AHDC1: variants seen among roughly 807,000 people sequenced by gnomAD.
The protein encoded by AHDC1 is transcription factor Gibbin.
AHDC1 carries 7 observed loss-of-function variants against 87.9 expected under a neutral mutation model. The ratio of observed to expected loss-of-function variants is 0.08; its 90% CI spans 0.05 to 0.15. The LOEUF is 0.15. Ranked by LOEUF, AHDC1 falls within the 10% of genes least tolerant of loss-of-function variation. The pLI is 1.00. For synonymous variants in AHDC1, 1,051 were observed against 1,006.8 expected (o/e 1.04, Z -0.83); for missense variants, 1,841 against 2,253.2 (o/e 0.82, Z 3.70).
intron 3 of AHDC1, among the ~76,000 whole-genome samples, chr1:27,585,253 CAAAAAAAA>C (rs35143338): frequency 1.4e-4 from 9 of 66,330 alleles, no homozygotes; most frequent in Non-Finnish European, 2.1e-4. Context: ...GACCCTGTCT[CAAAAAAAA>C]AAAAAAAAAA....
rs2148265344 is a variant in AHDC1, at chr1:27,548,354, A to G, written c.3762T>C (p.Ser1254=). Residue 1254 remains serine (S), a synonymous_variant, in exon 8 of 9, where the codon TCT becomes TCC. Coordinates refer to ENST00000673934, the MANE Select transcript of AHDC1 (RefSeq NM_001371928.1). The part of the protein sequence containing the change: ...ASHLGFPTSA[S]AAASGYPSKR... ...TGGATGGGTAGCCTGAGGCAGCGGCAGAGGCGGATGTCGGGAAGCCCAGAT... is the reference window on the plus strand; with the variant it reads ...TGGATGGGTAGCCTGAGGCAGCGGCGGAGGCGGATGTCGGGAAGCCCAGAT... 1 of 1,606,576 alleles carries G rather than the reference A, an allele frequency of 6.2e-7. No homozygotes were observed. The highest frequency in any genetic ancestry group is 1.7e-4 in the Middle Eastern group (1 of 6,052).
chr1:27,555,184 A>G (rs1238577014), intron 5 of AHDC1, among the ~76,000 whole-genome samples: 1 of 152,200 alleles, frequency 6.6e-6, no homozygotes, highest in African/African-American at 2.4e-5. Context: ...AACATTCCAG[A>G]TACCCAGGCC....
chr1:27,558,729 T>C lies in AHDC1; in HGVS notation c.-474A>G. ...ACCTGAGCAGGCTGCGAAGATAGGC[T>C]GGGCTCAGCAGGAAAGGCCTGTCTT... On this transcript the variant is annotated 5_prime_UTR_variant, in exon 4 of 9. Transcript: ENST00000673934. This position sits in a 1 kb window ranked among gnomAD's most constrained non-coding sequence, Gnocchi z 5.6. 2.5e-6 allele frequency: 1 copy of C among 398,632 alleles called. No individual in the cohort carries two copies. Among genetic ancestry groups the C allele is most frequent in the East Asian group, 3.6e-5 (1 of 28,068 alleles). 24.7% of individuals were successfully genotyped at this position (398,632 alleles called of 1,614,324 possible). A position where few individuals can be genotyped will look rare whatever the true frequency, so the allele number is the denominator to read the frequency against.
rs890464740 is a variant in AHDC1, at chr1:27,561,813, CAG to C, written c.-628-2932_-628-2931del. ...ACAGAGACAGAGAGACAGAGAAAGA[CAG>C]AAACTGGAAGACGGGCACGCACAAA... On this transcript the variant is annotated intron_variant, in intron 3 of 8. Coordinates refer to ENST00000673934, the MANE Select transcript of AHDC1 (RefSeq NM_001371928.1). This position sits in a 1 kb window ranked among gnomAD's most constrained non-coding sequence, Gnocchi z 4.2. Among the ~76,000 whole-genome samples, 8 of 151,864 alleles carry C rather than the reference CAG, an allele frequency of 5.3e-5. No homozygotes were observed. The highest frequency in any genetic ancestry group is 1.9e-4 in the African/African-American group (8 of 41,314).
rs924369042 is a variant in AHDC1 at position 27,565,045 on chromosome 1, T to C, written c.-628-6162A>G. Among the ~76,000 whole-genome samples, 5 of 152,090 alleles carry C rather than the reference T, an allele frequency of 3.3e-5. No homozygotes were observed. Among genetic ancestry groups the C allele is most frequent in the Admixed American group, 2.6e-4 (4 of 15,280 alleles). On this transcript the variant is annotated intron_variant, in intron 3 of 8. Coordinates refer to ENST00000673934, the MANE Select transcript of AHDC1 (RefSeq NM_001371928.1). This position sits in a 1 kb window ranked among gnomAD's most constrained non-coding sequence, Gnocchi z 4.6. ...GGGGGTGGCTGGAGCTGGGGGGCCC[T>C]GGGGGACTGAGTAAAGCGTGGCGAC...
chr1:27,563,247 G>A lies in AHDC1; in HGVS notation c.-628-4364C>T, dbSNP rs975286151. On this transcript the variant is annotated intron_variant, in intron 3 of 8. Coordinates refer to ENST00000673934, the MANE Select transcript of AHDC1 (RefSeq NM_001371928.1). This position sits in a 1 kb window ranked among gnomAD's most constrained non-coding sequence, Gnocchi z 6.1. ...CTGACCAAGACACACACACACGCACGCATGCATGCACACACCCACACAAAG... is the reference window on the plus strand; with the variant it reads ...CTGACCAAGACACACACACACGCACACATGCATGCACACACCCACACAAAG... 7.3e-5 allele frequency among the ~76,000 whole-genome samples: 10 copies of A among 137,902 alleles called. No individual in the cohort carries two copies. Among genetic ancestry groups the A allele is most frequent in the African/African-American group, 1.7e-4 (6 of 35,768 alleles). 90.5% of individuals were successfully genotyped at this position (137,902 alleles called of 152,430 possible). A position where few individuals can be genotyped will look rare whatever the true frequency, so the allele number is the denominator to read the frequency against.
Position 27,600,192 on chromosome 1 carries a change from T to TG in AHDC1, c.-629+3204dup, listed in dbSNP as rs1272771415. On this transcript the variant is annotated intron_variant, in intron 3 of 8. Transcript: ENST00000673934. ...TGGGTCGCTCCCCCGCCCCCCTCCC[T>TG]GGGGGGGGCCCATCTGCAGGCATTA... is the stretch of plus-strand genomic sequence containing the variant. 2.1e-3 allele frequency among the ~76,000 whole-genome samples: 316 copies of TG among 151,420 alleles called. 2 individuals carry two copies. The highest frequency in any genetic ancestry group is 3.0e-3 in the Admixed American group (45 of 15,242).
rs2089437769 is a variant in AHDC1 at position 27,598,485 on chromosome 1, A to T, written c.-629+4912T>A. On this transcript the variant is annotated intron_variant, in intron 3 of 8. Coordinates refer to ENST00000673934, the MANE Select transcript of AHDC1 (RefSeq NM_001371928.1). The surrounding 1 kb of genome is among the most constrained non-coding windows in gnomAD (Gnocchi z 4.2). ...GCCAGGAGAGGCCAGGCCTTGGGCG[A>T]AGGAGGGGCTGGGAGCCAGGGCTTC... 6.6e-6 allele frequency among the ~76,000 whole-genome samples: 1 copy of T among 152,104 alleles called. No individual in the cohort carries two copies. Among genetic ancestry groups the T allele is most frequent in the Non-Finnish European group, 1.5e-5 (1 of 67,988 alleles).
chr1:27,603,117 C>A (rs1571363462), intron 3 of AHDC1, among the ~76,000 whole-genome samples: 2 of 151,506 alleles, frequency 1.3e-5, no homozygotes, highest in African/African-American at 2.4e-5. Flanking sequence ...GCCGGGGGAG[C>A]CGCGGGGCGG....
At chr1:27,569,395 A>G (rs1198961796) in intron 3 of AHDC1, among the ~76,000 whole-genome samples, 1 of 152,164 alleles carries the variant, frequency 6.6e-6, no homozygotes, top group East Asian at 1.9e-4. Context: ...AGCCTGCCTA[A>G]GACAGGCAAG....
intron 8 of AHDC1, among the ~76,000 whole-genome samples, chr1:27,537,380 T>G (rs2018690288): frequency 6.6e-6 from 1 of 152,198 alleles, no homozygotes; most frequent in South Asian, 2.1e-4. Context: ...AGACAGGGGC[T>G]GTGCCACGGA....
rs765328564 is a variant in AHDC1 at position 27,550,721 on chromosome 1, T to G, written c.1395A>C (p.Lys465Asn). Residue 465 changes from lysine to asparagine, a missense_variant, in exon 8 of 9, where the codon AAA becomes AAC. By Grantham distance (94) the Lys-to-Asn change is moderately conservative. Around this residue, in one of 13 missense-constraint regions of AHDC1, gnomAD observed 370 missense variants for 391.5 expected, o/e 0.95. Coordinates refer to ENST00000673934, the MANE Select transcript of AHDC1 (RefSeq NM_001371928.1). ...SSQTPVVSTR[K>N]GKCRGVRRMV... The stretch of plus-strand genomic sequence containing the variant: ...TGCGCCGCACGCCCCGGCACTTGCC[T>G]TTGCGGGTAGAGACCACTGGGGTCT... The G allele has an allele frequency of 3.7e-6, 6 of 1,601,196 alleles. No individual in the cohort carries two copies. The Admixed American group carries it at 8.6e-5, about 23-fold the overall frequency.
chr1:27,544,024 G>A (rs984855268), intron 8 of AHDC1, among the ~76,000 whole-genome samples: 1 of 152,124 alleles, frequency 6.6e-6, no homozygotes, highest in Non-Finnish European at 1.5e-5. Context: ...GTGGGGAGAT[G>A]AGAGGCAGCC....
In AHDC1 at chr1:27,550,391, T is replaced by C. The variant is rs779972640; in HGVS notation, c.1725A>G (p.Ala575=). 6 of 1,613,012 alleles carry C rather than the reference T, an allele frequency of 3.7e-6. No individual in the cohort carries two copies. The highest frequency in any genetic ancestry group is 5.1e-6 in the Non-Finnish European group (6 of 1,179,320). ...AVVAAEAATV[A]AATMAMPEVK... is the part of the protein sequence containing the mutation. ...CCTCTGGCATGGCCATGGTGGCCGCTGCCACAGTGGCTGCCTCGGCCGCCA... is the reference window on the plus strand; with the variant it reads ...CCTCTGGCATGGCCATGGTGGCCGCCGCCACAGTGGCTGCCTCGGCCGCCA... Residue 575 remains alanine, a synonymous_variant, in exon 8 of 9, where the codon GCA becomes GCG. Coordinates refer to ENST00000673934, the MANE Select transcript of AHDC1 (RefSeq NM_001371928.1).
chr1:27,597,518 G>A (rs906203531), intron 3 of AHDC1, among the ~76,000 whole-genome samples: 1 of 152,138 alleles, frequency 6.6e-6, no homozygotes, highest in Non-Finnish European at 1.5e-5. Context: ...TCTGGTGCAG[G>A]GGTCAGGGCT....
At chr1:27,582,936 G>A (rs898344583) in intron 3 of AHDC1, among the ~76,000 whole-genome samples, 10 of 151,888 alleles carry the variant, frequency 6.6e-5, no homozygotes, top group Middle Eastern at 3.4e-3. Context: ...TTTTTGAGAC[G>A]GAGTCTTCCT....
rs531854681 is a variant in AHDC1 at position 27,557,468 on chromosome 1, C to T, written c.-225+837G>A. On this transcript the variant is annotated intron_variant, in intron 5 of 8. Coordinates refer to ENST00000673934, the MANE Select transcript of AHDC1 (RefSeq NM_001371928.1). Reference sequence around the variant, plus strand: ...AAGAACTCCTCCTCCTGGAAAGTTGCTGCTGGAAAGGAAGTGACTTCAGCA... The same window carrying T: ...AAGAACTCCTCCTCCTGGAAAGTTGTTGCTGGAAAGGAAGTGACTTCAGCA... Among the ~76,000 whole-genome samples, 78 of 152,086 alleles carry T rather than the reference C, an allele frequency of 5.1e-4. 1 individual carries two copies. The South Asian group carries it at 0.016, about 31-fold the overall frequency.
intron 3 of AHDC1, among the ~76,000 whole-genome samples, chr1:27,587,536 C>T (rs574580812): frequency 1.3e-5 from 2 of 152,314 alleles, no homozygotes; most frequent in South Asian, 2.1e-4. Flanking sequence ...CCATGAGCCA[C>T]CCAGAACCCT....
chr1:27,563,984 C>G lies in AHDC1; in HGVS notation c.-628-5101G>C, dbSNP rs1463229982. Reference sequence around the variant, plus strand: ...GCTTAGAGATCAGTGGGGAGTAGGGCGGTTAGGGGTTGCTATCACCATGTG... The same window carrying G: ...GCTTAGAGATCAGTGGGGAGTAGGGGGGTTAGGGGTTGCTATCACCATGTG... On this transcript the variant is annotated intron_variant, in intron 3 of 8. Coordinates refer to ENST00000673934, the MANE Select transcript of AHDC1 (RefSeq NM_001371928.1). This position sits in a 1 kb window ranked among gnomAD's most constrained non-coding sequence, Gnocchi z 6.1. 6.6e-6 allele frequency among the ~76,000 whole-genome samples: 1 copy of G among 152,214 alleles called. No individual in the cohort carries two copies. Among genetic ancestry groups the G allele is most frequent in the African/African-American group, 2.4e-5 (1 of 41,516 alleles).
Sources: gnomAD v4.1 joint callset for allele counts (sites outside exome capture counted in the v4.1 genomes callset) on GRCh38, gnomAD v4.1.1 for gene constraint, gnomAD v4.1.1 regional missense constraint, Gnocchi (gnomAD v3.1) non-coding constraint, MANE v1.5 for transcripts, NCBI Gene and HGNC (gene_info 2026-07-23, HGNC 2026-07-21) for gene names.